The following UGT1A5 variants were observed in gnomAD, a reference collection of about 807,000 sequenced individuals.
UGT1A5 encodes the protein UDP-glucuronosyltransferase 1A5.
Under a neutral mutation model 40.3 loss-of-function variants are expected in UGT1A5, and 29 were observed. The ratio of observed to expected loss-of-function variants is 0.72; its 90% CI spans 0.54 to 0.98. The LOEUF is 0.98. Ranked by LOEUF, UGT1A5 falls within the 50% of genes least tolerant of loss-of-function variation. The pLI, the probability that UGT1A5 is intolerant of heterozygous loss-of-function variation, is 0.00. For synonymous variants in UGT1A5, 257 were observed against 262.5 expected (o/e 0.98, Z 0.20); for missense variants, 678 against 677.9 (o/e 1.00, Z 0.00).
chr2:233,773,091 G>A lies in UGT1A5; in HGVS notation c.*532G>A, dbSNP rs1278315823. 2 of 162,100 alleles carry A rather than the reference G, an allele frequency of 1.2e-5. No homozygotes were observed. The highest frequency in any genetic ancestry group is 4.8e-5 in the African/African-American group (2 of 41,532). The allele number at this position is 162,100 out of a possible 1,614,324, so 10.0% of individuals were successfully genotyped here. ...ATGAATGAATGGCTTGGAGTGCACT[G>A]AGAACAGCATATGATTTCTTGCTTT... On this transcript the variant is annotated 3_prime_UTR_variant, in exon 5 of 5. Transcript: ENST00000373414.
chr2:233,762,127 G>T (rs528651361), intron 1 of UGT1A5, among the ~76,000 whole-genome samples: 5 of 152,204 alleles, frequency 3.3e-5, no homozygotes, highest in African/African-American at 1.2e-4. Flanking sequence ...TGAGCCATGT[G>T]GGGACCTGTG....
intron 1 of UGT1A5, chr2:233,717,851 C>G (rs1207053038): frequency 2.2e-6 from 1 of 455,084 alleles, no homozygotes; most frequent in Non-Finnish European, 4.4e-6. Flanking sequence ...CTTATCAGAA[C>G]TTGGTGCTGG....
At chr2:233,724,286 G>C (rs1416950047) in intron 1 of UGT1A5, among the ~76,000 whole-genome samples, 3 of 143,448 alleles carry the variant, frequency 2.1e-5, no homozygotes, top group African/African-American at 2.6e-5. Flanking sequence ...CCGGGCGGGG[G>C]GCTGACCCCC....
chr2:233,763,704 GA>G lies in UGT1A5; in HGVS notation c.868-3328del, dbSNP rs779879703. On this transcript the variant is annotated intron_variant, in intron 1 of 4. Transcript: ENST00000373414. ...AAAGATAAAACTTTTATTGCACAAA[GA>G]AGTCCATAGAGAAAGCACAACCTGG... Among the ~76,000 whole-genome samples the G allele has an allele frequency of 3.9e-5, 6 of 152,288 alleles. No individual in the cohort carries two copies. The South Asian group carries it at 1.2e-3, about 32-fold the overall frequency.
chr2:233,722,619 T>G (rs1335321752), intron 1 of UGT1A5, among the ~76,000 whole-genome samples: 2 of 152,244 alleles, frequency 1.3e-5, no homozygotes. Context: ...TGATTTTTCT[T>G]AATGAAGCAT....
intron 1 of UGT1A5, among the ~76,000 whole-genome samples, chr2:233,766,662 C>T (rs911110190): frequency 3.9e-5 from 6 of 152,180 alleles, no homozygotes; most frequent in Non-Finnish European, 8.8e-5. Flanking sequence ...GGACCACGCC[C>T]TTCCCAGCTC....
chr2:233,752,292 T>A (rs1364554395), intron 1 of UGT1A5: 1 of 152,220 alleles, frequency 6.6e-6, no homozygotes, highest in Non-Finnish European at 1.5e-5. Flanking sequence ...CACAGGGTCA[T>A]GCCTTTCCTT....
At chr2:233,762,315 G>A (rs565893517) in intron 1 of UGT1A5, among the ~76,000 whole-genome samples, 4 of 152,216 alleles carry the variant, frequency 2.6e-5, no homozygotes, top group Non-Finnish European at 4.4e-5. Flanking sequence ...TTAATGGGTC[G>A]AGAGTAATCC....
Position 233,713,113 on chromosome 2 carries a change from G to A in UGT1A5, c.122G>A (p.Trp41Ter). 1 of 1,614,226 alleles carries A rather than the reference G, an allele frequency of 6.2e-7. No homozygotes were observed. The highest frequency in any genetic ancestry group is 8.5e-7 in the Non-Finnish European group (1 of 1,180,010). ...GTGGTGCCCACTGATGGCAGCCACT[G>A]GCTCAGCATGCGGGAGGCCTTGCGG... ...VLVVPTDGSH[W>*]LSMREALRDL... Residue 41 changes from tryptophan (W) to a stop codon, truncating the protein, a stop_gained, in exon 1 of 5, where the codon TGG becomes TAG. Transcript: ENST00000373414. LOFTEE classifies it high-confidence loss of function.
intron 1 of UGT1A5, among the ~76,000 whole-genome samples, chr2:233,714,226 A>T (rs533921127): frequency 6.6e-6 from 1 of 152,290 alleles, no homozygotes; most frequent in South Asian, 2.1e-4. Context: ...TGCTGGCAAG[A>T]TTTTCAGTAG....
chr2:233,772,478 T>C lies in UGT1A5; in HGVS notation c.1524T>C (p.Phe508=). ...AVVLTVAFIT[F]KCCAYGYRKC... Reference sequence around the variant, plus strand: ...TGCTGACAGTGGCCTTCATCACCTTTAAATGTTGTGCTTATGGCTACCGGA... The same window carrying C: ...TGCTGACAGTGGCCTTCATCACCTTCAAATGTTGTGCTTATGGCTACCGGA... The change falls in exon 5 of 5, where the codon TTT becomes TTC. Residue 508 remains phenylalanine (F), a synonymous_variant. Transcript: ENST00000373414. 1 of 1,614,184 alleles carries C rather than the reference T, an allele frequency of 6.2e-7. No homozygotes were observed. Among genetic ancestry groups the C allele is most frequent in the South Asian group, 1.1e-5 (1 of 91,086 alleles).
chr2:233,730,948 C>T (rs2078091104), intron 1 of UGT1A5, among the ~76,000 whole-genome samples: 2 of 152,126 alleles, frequency 1.3e-5, no homozygotes, highest in African/African-American at 4.8e-5. Flanking sequence ...ATTTGGGTTT[C>T]GTTGAAATGG....
intron 1 of UGT1A5, among the ~76,000 whole-genome samples, chr2:233,718,205 T>C (rs2076639631): frequency 6.6e-6 from 1 of 152,198 alleles, no homozygotes; most frequent in African/African-American, 2.4e-5. Context: ...AGCTTTTTTT[T>C]ATATTGACAG....
chr2:233,730,014 C>G (rs1187658663), intron 1 of UGT1A5: 2 of 1,613,720 alleles, frequency 1.2e-6, no homozygotes, highest in Non-Finnish European at 1.7e-6. Context: ...GTGCCTTCAT[C>G]CAATCAATGT....
intron 1 of UGT1A5, among the ~76,000 whole-genome samples, chr2:233,734,119 A>AATC (rs958365418): frequency 7.2e-5 from 11 of 152,032 alleles, no homozygotes; most frequent in African/African-American, 2.7e-4. Flanking sequence ...TAATAATAAT[A>AATC]ATAAAAAGAA....
At chr2:233,771,027 G>A (rs186703216) in intron 4 of UGT1A5, 2 of 152,078 alleles carry the variant, frequency 1.3e-5, no homozygotes, top group Admixed American at 6.6e-5. Context: ...GAGAGAGTTG[G>A]GGGGGAAGGT....
chr2:233,716,022 C>A (rs1245337561), intron 1 of UGT1A5, among the ~76,000 whole-genome samples: 2 of 152,150 alleles, frequency 1.3e-5, no homozygotes, highest in African/African-American at 2.4e-5. Context: ...CTGATAGTTT[C>A]TTTTGATGTC....
intron 1 of UGT1A5, chr2:233,729,470 C>T (rs746048603): frequency 1.9e-6 from 3 of 1,614,122 alleles, no homozygotes; most frequent in Admixed American, 1.7e-5. Flanking sequence ...AGAAGTATGG[C>T]AATGTTGAAC....
At chr2:233,743,730 C>T (rs189214805) in intron 1 of UGT1A5, 23 of 1,367,266 alleles carry the variant, frequency 1.7e-5, no homozygotes, top group South Asian at 3.4e-5. Context: ...TCATAGATAT[C>T]GCGTTTCTTG....
Sources: allele counts gnomAD v4.1 joint callset (sites outside exome capture counted in the v4.1 genomes callset), GRCh38; gene constraint gnomAD v4.1.1; transcripts MANE v1.5; gene names NCBI Gene and HGNC (gene_info 2026-07-23, HGNC 2026-07-21).